ZNF398: variants seen among roughly 807,000 people sequenced by gnomAD.
The protein encoded by ZNF398 is zinc finger DNA binding protein ZER6.
A neutral mutation model predicts 41.9 loss-of-function variants in ZNF398; 18 were observed. The ratio of observed to expected loss-of-function variants is 0.43; its 90% CI spans 0.30 to 0.64. The LOEUF is 0.64. ZNF398 is among the 30% of genes least tolerant of loss of function. The pLI is 0.14. For missense variants in ZNF398, 669 were observed against 822.8 expected, an observed-to-expected ratio of 0.81 and a Z score of 2.29; for synonymous variants, 260 against 308.8, an observed-to-expected ratio of 0.84 and a Z score of 1.66.
At chr7:149,139,546 C>A (rs1316479321) in intron 2 of ZNF398, among the ~76,000 whole-genome samples, 2 of 151,026 alleles carry the variant, frequency 1.3e-5, no homozygotes, top group African/African-American at 2.4e-5. Flanking sequence ...CATGGTGAAA[C>A]TCCGTCTCCA....
rs374760017 is a variant in ZNF398 at position 149,176,584 on chromosome 7, G to A, written c.775+3G>A. 7 of 1,590,094 alleles carry A rather than the reference G, an allele frequency of 4.4e-6. No homozygotes were observed. In the African/African-American group the frequency reaches 6.8e-5, roughly 15 times the overall value. On this transcript the variant is annotated splice_donor_region_variant and intron_variant, in intron 5 of 5. Coordinates refer to ENST00000475153, the MANE Select transcript of ZNF398 (RefSeq NM_170686.3). The stretch of plus-strand genomic sequence containing the variant: ...CGTGTACAAAAGCACTTATGCTGGT[G>A]AGTATGAAATTAAAGAGGTGTTCAT...
intron 2 of ZNF398, among the ~76,000 whole-genome samples, chr7:149,135,108 G>C (rs1826681635): frequency 6.6e-6 from 1 of 152,104 alleles, no homozygotes; most frequent in African/African-American, 2.4e-5. Context: ...TTTGAAAGTG[G>C]TTTATTTTCT....
chr7:149,182,113 A>G lies in ZNF398; in HGVS notation c.*2312A>G, dbSNP rs1192628265. The G allele has an allele frequency of 6.6e-6, 1 of 152,208 alleles. No individual in the cohort carries two copies. Among genetic ancestry groups the G allele is most frequent in the Non-Finnish European group, 1.5e-5 (1 of 68,040 alleles). The allele number at this position is 152,208 out of a possible 1,614,324, so 9.4% of individuals were successfully genotyped here. A position where few individuals can be genotyped will look rare whatever the true frequency, so the allele number is the denominator to read the frequency against. On this transcript the variant is annotated 3_prime_UTR_variant, in exon 6 of 6. Coordinates refer to ENST00000475153, the MANE Select transcript of ZNF398 (RefSeq NM_170686.3). Reference sequence around the variant, plus strand: ...GCCAAGAACACAGCTTATTAGTGAAAGAGACCTGTGGATTGAAATGGCTGC... The same window carrying G: ...GCCAAGAACACAGCTTATTAGTGAAGGAGACCTGTGGATTGAAATGGCTGC...
At chr7:149,159,927 T>G (rs1452893824) in intron 2 of ZNF398, among the ~76,000 whole-genome samples, 1 of 151,952 alleles carries the variant, frequency 6.6e-6, no homozygotes, top group African/African-American at 2.4e-5. Flanking sequence ...GGTTTCCCCA[T>G]GTTGGCCAGG....
intron 1 of ZNF398, chr7:149,151,324 T>A: frequency 9.1e-7 from 1 of 1,102,128 alleles, no homozygotes; most frequent in Non-Finnish European, 1.1e-6. Context: ...TGGAAGTGAC[T>A]GATGTGATCA....
At chr7:149,133,266 A>G (rs1036644540) in intron 2 of ZNF398, among the ~76,000 whole-genome samples, 5 of 151,544 alleles carry the variant, frequency 3.3e-5, no homozygotes, top group Non-Finnish European at 5.9e-5. Context: ...TAGGCTTGCC[A>G]CCACACCCAG....
chr7:149,174,483 C>T (rs1421047728), intron 4 of ZNF398, among the ~76,000 whole-genome samples: 15 of 152,174 alleles, frequency 9.9e-5, no homozygotes, highest in Admixed American at 6.5e-5. Flanking sequence ...CCACTGTGCC[C>T]AGCCCATTCA....
At chr7:149,166,677 A>T (rs1324583589) in intron 3 of ZNF398, 140 bp from the exon 4 acceptor site, 3 of 607,204 alleles carry the variant, frequency 4.9e-6, no homozygotes, top group Non-Finnish European at 8.8e-6. Flanking sequence ...GAAGATGGAT[A>T]GATGGGAAGA....
At chr7:149,165,204 A>T (rs1795202530) in intron 2 of ZNF398, among the ~76,000 whole-genome samples, 1 of 152,222 alleles carries the variant, frequency 6.6e-6, no homozygotes, top group South Asian at 2.1e-4. Context: ...TCACTTGCAG[A>T]GTTCGAACCG....
chr7:149,157,213 A>C (rs1794998119), intron 2 of ZNF398, among the ~76,000 whole-genome samples: 1 of 152,082 alleles, frequency 6.6e-6, no homozygotes, highest in Non-Finnish European at 1.5e-5. Context: ...TGATACTTTC[A>C]GGAGAGACGT....
At chr7:149,150,596 CA>C (rs917206273) in intron 1 of ZNF398, among the ~76,000 whole-genome samples, 1 of 151,682 alleles carries the variant, frequency 6.6e-6, no homozygotes. Context: ...GACCTCATCC[CA>C]AAAAAACAAA....
Position 149,179,948 on chromosome 7 carries a change from A to G in ZNF398, c.*147A>G, listed in dbSNP as rs1795555933. ...GGGTCCTATACACTTGACTAGAGACATGCTTGTGTTTTGGAATTTCACACC... is the reference window on the plus strand; with the variant it reads ...GGGTCCTATACACTTGACTAGAGACGTGCTTGTGTTTTGGAATTTCACACC... On this transcript the variant is annotated 3_prime_UTR_variant, in exon 6 of 6. Coordinates refer to ENST00000475153, the MANE Select transcript of ZNF398 (RefSeq NM_170686.3). This position sits in a 1 kb window ranked among gnomAD's most constrained non-coding sequence, Gnocchi z 6.1. 1.5e-6 allele frequency: 1 copy of G among 687,168 alleles called. No individual in the cohort carries two copies. The highest frequency in any genetic ancestry group is 1.8e-5 in the African/African-American group (1 of 56,170). The allele number at this position is 687,168 out of a possible 1,614,324, so 42.6% of individuals were successfully genotyped here. A position where few individuals can be genotyped will look rare whatever the true frequency, so the allele number is the denominator to read the frequency against.
At chr7:149,171,654 A>C (rs1004221381) in intron 4 of ZNF398, among the ~76,000 whole-genome samples, 1 of 151,536 alleles carries the variant, frequency 6.6e-6, no homozygotes, top group Non-Finnish European at 1.5e-5. Context: ...CGGCCTCCCA[A>C]AGTGCTGGGA....
chr7:149,143,449 G>A (rs1826867830), upstream of ZNF398, among the ~76,000 whole-genome samples: 1 of 152,228 alleles, frequency 6.6e-6, no homozygotes, highest in Non-Finnish European at 1.5e-5. Context: ...TGCAAAGGAA[G>A]ATGCTGAAAT....
Position 149,180,134 on chromosome 7 carries a change from G to C in ZNF398, c.*333G>C, listed in dbSNP as rs1183545403. The C allele has an allele frequency of 4.7e-6, 1 of 211,166 alleles. No individual in the cohort carries two copies. The highest frequency in any genetic ancestry group is 9.5e-6 in the Non-Finnish European group (1 of 105,070). 13.1% of individuals were successfully genotyped at this position (211,166 alleles called of 1,614,324 possible). A position where few individuals can be genotyped will look rare whatever the true frequency, so the allele number is the denominator to read the frequency against. On this transcript the variant is annotated 3_prime_UTR_variant, in exon 6 of 6. Transcript: ENST00000475153. ...GTTCTCTTGTTCTCAGAGAACAGCA[G>C]GTTGATAGTAGATTATGTCTCTAGG...
intron 2 of ZNF398, among the ~76,000 whole-genome samples, chr7:149,155,593 G>A (rs1314153974): frequency 6.6e-6 from 1 of 151,426 alleles, no homozygotes; most frequent in African/African-American, 2.4e-5. Context: ...GATGTGTAGG[G>A]CATTTAAGAC....
At chr7:149,132,020 A>G (rs1476713909) in intron 2 of ZNF398, among the ~76,000 whole-genome samples, 1 of 152,174 alleles carries the variant, frequency 6.6e-6, no homozygotes, top group African/African-American at 2.4e-5. Flanking sequence ...GTCAAAAAGC[A>G]TCAAGTATTG....
rs183550174 is a variant in ZNF398 at position 149,163,594 on chromosome 7, G to A, written c.421-2564G>A. ...TCTCCATATTGGTCAGGCTGGTCTT[G>A]AACTCCCGACCTCAGGTGAGCCACC... is the stretch of plus-strand genomic sequence containing the variant. On this transcript the variant is annotated intron_variant, in intron 2 of 5. Transcript: ENST00000475153. Among the ~76,000 whole-genome samples the A allele has an allele frequency of 4.3e-3, 660 of 151,956 alleles. 5 individuals are homozygous for A. Among genetic ancestry groups the A allele is most frequent in the Non-Finnish European group, 7.9e-3 (536 of 67,964 alleles).
At chr7:149,172,357 C>T (rs907936172) in intron 4 of ZNF398, among the ~76,000 whole-genome samples, 2 of 152,278 alleles carry the variant, frequency 1.3e-5, no homozygotes, top group Non-Finnish European at 1.5e-5. Flanking sequence ...TTGTCCAGTG[C>T]ATCCACACTG....
Sources: gnomAD v4.1 joint callset for allele counts (sites outside exome capture counted in the v4.1 genomes callset) on GRCh38, gnomAD v4.1.1 for gene constraint, Gnocchi (gnomAD v3.1) non-coding constraint, MANE v1.5 for transcripts, NCBI Gene and HGNC (gene_info 2026-07-23, HGNC 2026-07-21) for gene names.